Variants in SERP2 observed in about 807,000 individuals in gnomAD.
SERP2 encodes the protein stress associated endoplasmic reticulum protein family member 2.
A neutral mutation model predicts 9.1 loss-of-function variants in SERP2; 6 were observed. The observed-to-expected ratio is 0.66, with a 90% CI of 0.36 to 1.30. SERP2 has a LOEUF of 1.30. SERP2 is among the 50% of genes most tolerant of loss of function. The pLI, the probability that SERP2 is intolerant of heterozygous loss-of-function variation, is 0.03. For synonymous variants in SERP2, 37 were observed against 27.3 expected (o/e 1.35, Z -1.10); for missense variants, 58 against 81.9 (o/e 0.71, Z 1.13).
intron 2 of SERP2, among the ~76,000 whole-genome samples, chr13:44,382,436 C>CAAAAAA (rs71202274): frequency 2.2e-5 from 1 of 45,660 alleles, no homozygotes; most frequent in Admixed American, 2.7e-4. Flanking sequence ...GACTCCGTCT[C>CAAAAAA]AAAAAAAAAA....
At chr13:44,379,822 A>G (rs1453095762) in intron 2 of SERP2, 109 bp downstream of exon 2, 48 of 716,010 alleles carry the variant, frequency 6.7e-5, no homozygotes, top group Admixed American at 2.0e-4. Context: ...ATGGGATTCA[A>G]GTTTATCACT....
chr13:44,387,957 A>G (rs578028187), intron 2 of SERP2, among the ~76,000 whole-genome samples: 1 of 152,344 alleles, frequency 6.6e-6, no homozygotes, highest in African/African-American at 2.4e-5. Flanking sequence ...AAGCCTGGCT[A>G]TTCTTGAAAC....
chr13:44,395,202 A>G (rs938333609), intron 2 of SERP2, among the ~76,000 whole-genome samples: 2 of 152,184 alleles, frequency 1.3e-5, no homozygotes, highest in African/African-American at 4.8e-5. Context: ...CAGAATGTTT[A>G]TTTAATTTTT....
intron 2 of SERP2, among the ~76,000 whole-genome samples, chr13:44,395,326 C>T (rs773795785): frequency 6.6e-6 from 1 of 152,138 alleles, no homozygotes; most frequent in African/African-American, 2.4e-5. Flanking sequence ...CACCCAAGGC[C>T]GGGCACGGTG....
Position 44,397,406 on chromosome 13 carries a change from A to G in SERP2, c.*94A>G. The G allele has an allele frequency of 2.0e-6, 2 of 989,114 alleles. No individual in the cohort carries two copies. Among genetic ancestry groups the G allele is most frequent in the Non-Finnish European group, 3.2e-6 (2 of 626,072 alleles). 61.3% of individuals were successfully genotyped at this position (989,114 alleles called of 1,614,324 possible). On this transcript the variant is annotated 3_prime_UTR_variant, in exon 3 of 3. Coordinates refer to ENST00000379179, the MANE Select transcript of SERP2 (RefSeq NM_001010897.3). Reference sequence around the variant, plus strand: ...TTTCTGCGGGAAACAAGCAGGCCACACGGAATAGAAAAAAACGCTCCCCCA... The same window carrying G: ...TTTCTGCGGGAAACAAGCAGGCCACGCGGAATAGAAAAAAACGCTCCCCCA...
At chr13:44,392,757 T>C (rs1232695469) in intron 2 of SERP2, among the ~76,000 whole-genome samples, 14 of 151,760 alleles carry the variant, frequency 9.2e-5, no homozygotes, top group Non-Finnish European at 2.9e-5. Flanking sequence ...ATCAACTAGA[T>C]AGTGGAAGGT....
chr13:44,395,143 T>G (rs910419380), intron 2 of SERP2, among the ~76,000 whole-genome samples: 1 of 152,232 alleles, frequency 6.6e-6, no homozygotes, highest in Non-Finnish European at 1.5e-5. Flanking sequence ...TTTTTTTTCC[T>G]AATGTTGAAT....
intron 2 of SERP2, among the ~76,000 whole-genome samples, chr13:44,394,332 C>T (rs1872958740): frequency 6.6e-6 from 1 of 152,088 alleles, no homozygotes; most frequent in Non-Finnish European, 1.5e-5. Flanking sequence ...ACCATGTTGG[C>T]CAGGATGGTC....
At chr13:44,397,242 G>A in intron 2 of SERP2, 30 bp from the exon 3 acceptor site, 1 of 1,609,412 alleles carries the variant, frequency 6.2e-7, no homozygotes, top group Non-Finnish European at 8.5e-7. Context: ...GCAGTCTGGT[G>A]TCTGAGCTGT....
intron 2 of SERP2, 52 bp downstream of exon 2, chr13:44,379,765 A>G: frequency 8.0e-7 from 1 of 1,245,734 alleles, no homozygotes; most frequent in South Asian, 1.4e-5. Flanking sequence ...GGCCTTTGAA[A>G]AACACACGTT....
chr13:44,379,059 A>C (rs1262431816), intron 1 of SERP2, among the ~76,000 whole-genome samples: 1 of 152,198 alleles, frequency 6.6e-6, no homozygotes, highest in Non-Finnish European at 1.5e-5. Context: ...GGGTTATGTA[A>C]AAGGTTTTCA....
chr13:44,387,976 G>A (rs1872411991), intron 2 of SERP2, among the ~76,000 whole-genome samples: 2 of 152,074 alleles, frequency 1.3e-5, no homozygotes, highest in South Asian at 2.1e-4. Context: ...ACTGACAAAC[G>A]TTTATTCCCA....
At chr13:44,389,330 T>C (rs1022196216) in intron 2 of SERP2, among the ~76,000 whole-genome samples, 5 of 152,174 alleles carry the variant, frequency 3.3e-5, no homozygotes, top group Non-Finnish European at 5.9e-5. Flanking sequence ...ACTCTAAGAC[T>C]CAGTTCTTCT....
chr13:44,385,054 C>G (rs766205954), intron 2 of SERP2, among the ~76,000 whole-genome samples: 7 of 152,186 alleles, frequency 4.6e-5, no homozygotes, highest in Non-Finnish European at 7.3e-5. Flanking sequence ...AGAGTTAGGA[C>G]TGGTAAGAAG....
At chr13:44,387,425 C>T (rs79731759) in intron 2 of SERP2, among the ~76,000 whole-genome samples, 2,951 of 152,280 alleles carry the variant, frequency 0.019, 36 homozygotes, top group Middle Eastern at 0.048. Context: ...CTTTGCTGTC[C>T]TTAGCCTAAA....
chr13:44,381,193 G>A (rs543828699), intron 2 of SERP2, among the ~76,000 whole-genome samples: 18 of 143,134 alleles, frequency 1.3e-4, no homozygotes, highest in Middle Eastern at 3.9e-3. Flanking sequence ...GCCAGAGATC[G>A]CGCCATTGCA....
chr13:44,388,197 C>T (rs1872427800), intron 2 of SERP2, among the ~76,000 whole-genome samples: 1 of 151,018 alleles, frequency 6.6e-6, no homozygotes, highest in Non-Finnish European at 1.5e-5. Flanking sequence ...ATAAATGAAA[C>T]AGCAGCTGTT....
intron 2 of SERP2, chr13:44,390,842 T>A (rs1322442721): frequency 6.5e-6 from 1 of 153,772 alleles, no homozygotes; most frequent in Non-Finnish European, 1.4e-5. Context: ...AACTTAGTGA[T>A]CCACTTTGCA....
intron 2 of SERP2, among the ~76,000 whole-genome samples, chr13:44,385,091 T>C (rs186776923): frequency 2.6e-4 from 39 of 152,332 alleles, no homozygotes; most frequent in Admixed American, 2.0e-3. Flanking sequence ...TGCTCACTTA[T>C]TGGTCACCCT....
Sources: gnomAD v4.1 joint callset for allele counts (sites outside exome capture counted in the v4.1 genomes callset) on GRCh38, gnomAD v4.1.1 for gene constraint, MANE v1.5 for transcripts, NCBI Gene and HGNC (gene_info 2026-07-23, HGNC 2026-07-21) for gene names.